ROR1: variants seen among roughly 807,000 people sequenced by gnomAD.
The protein encoded by ROR1 is ROR family WNT receptor 1.
Under a neutral mutation model 78.8 loss-of-function variants are expected in ROR1, and 19 were observed. The ratio of observed to expected loss-of-function variants is 0.24; its 90% CI spans 0.17 to 0.35. The LOEUF is 0.35. Among genes scored for constraint, ROR1 ranks in the 10% least tolerant of loss-of-function variants. ROR1 has a pLI of 1.00. For synonymous variants in ROR1, 386 were observed against 433.6 expected (o/e 0.89, Z 1.36); for missense variants, 917 against 1,177.8 (o/e 0.78, Z 3.24).
At chr1:63,779,265 T>A (rs1287396481) in intron 1 of ROR1, among the ~76,000 whole-genome samples, 5 of 152,204 alleles carry the variant, frequency 3.3e-5, no homozygotes, top group Non-Finnish European at 5.9e-5. Flanking sequence ...TGGACAACTG[T>A]GGTTGTAGGC....
intron 2 of ROR1, among the ~76,000 whole-genome samples, chr1:64,038,224 G>T (rs1646718971): frequency 1.3e-5 from 2 of 152,084 alleles, no homozygotes; most frequent in South Asian, 4.1e-4. Context: ...CCAGCAAGAG[G>T]ACAGGAAGTC....
At chr1:64,000,771 C>T (rs534200645) in intron 1 of ROR1, among the ~76,000 whole-genome samples, 20 of 152,236 alleles carry the variant, frequency 1.3e-4, no homozygotes, top group African/African-American at 4.8e-4. Flanking sequence ...TTCAAAGGAC[C>T]ACCTTCCTGC....
At chr1:64,031,155 A>G (rs1237976945) in intron 2 of ROR1, among the ~76,000 whole-genome samples, 1 of 152,216 alleles carries the variant, frequency 6.6e-6, no homozygotes, top group Non-Finnish European at 1.5e-5. Context: ...GGCATGAGCC[A>G]CCACGCCCAG....
rs77928759 is a variant in ROR1 at position 64,152,736 on chromosome 1, C to T, written c.1175-6245C>T. On this transcript the variant is annotated intron_variant, in intron 7 of 8. Transcript: ENST00000371079. Reference sequence around the variant, plus strand: ...GAGTACGATCCTCTAAAATTTTATTCCATAATTAAACAGTTAGGTATCTTT... The same window carrying T: ...GAGTACGATCCTCTAAAATTTTATTTCATAATTAAACAGTTAGGTATCTTT... 6.1e-3 allele frequency among the ~76,000 whole-genome samples: 922 copies of T among 152,118 alleles called. 4 individuals carry two copies. Among genetic ancestry groups the T allele is most frequent in the Non-Finnish European group, 8.0e-3 (544 of 67,994 alleles).
At chr1:64,071,185 T>G (rs1647000728) in intron 4 of ROR1, among the ~76,000 whole-genome samples, 1 of 152,032 alleles carries the variant, frequency 6.6e-6, no homozygotes, top group Non-Finnish European at 1.5e-5. Context: ...TGCAAGCCAG[T>G]GTTTGGGCTT....
At chr1:64,028,521 G>A (rs1646634012) in intron 2 of ROR1, among the ~76,000 whole-genome samples, 1 of 152,136 alleles carries the variant, frequency 6.6e-6, no homozygotes, top group Admixed American at 6.5e-5. Context: ...TCTCACAGTT[G>A]CTGCTGTTTT....
chr1:64,113,732 C>T (rs1026899352), intron 4 of ROR1: 4 of 150,798 alleles, frequency 2.7e-5, no homozygotes, highest in Non-Finnish European at 5.9e-5. Flanking sequence ...CTCCTAAGAG[C>T]AGCTCACTTC....
chr1:64,139,537 G>A (rs747171710), intron 5 of ROR1, among the ~76,000 whole-genome samples: 3 of 152,188 alleles, frequency 2.0e-5, no homozygotes, highest in Non-Finnish European at 4.4e-5. Context: ...AATATTCGAT[G>A]ATACACATTG....
At chr1:64,127,620 G>T (rs1462513138) in intron 4 of ROR1, among the ~76,000 whole-genome samples, 2 of 151,982 alleles carry the variant, frequency 1.3e-5, no homozygotes, top group East Asian at 3.9e-4. Flanking sequence ...GGGCAATGTA[G>T]TATTTTCATA....
intron 1 of ROR1, among the ~76,000 whole-genome samples, chr1:63,924,894 G>A (rs946200839): frequency 1.1e-4 from 16 of 149,570 alleles, no homozygotes; most frequent in African/African-American, 2.7e-4. Flanking sequence ...CCTTGAGAAC[G>A]GTGGAAGGTT....
At chr1:63,827,870 AC>A (rs1046362773) in intron 1 of ROR1, among the ~76,000 whole-genome samples, 1 of 152,206 alleles carries the variant, frequency 6.6e-6, no homozygotes, top group Admixed American at 6.5e-5. Context: ...CACCTAGAGA[AC>A]ACAGAATAAA....
intron 1 of ROR1, among the ~76,000 whole-genome samples, chr1:63,976,254 A>G (rs1646160277): frequency 6.6e-6 from 1 of 152,234 alleles, no homozygotes; most frequent in Non-Finnish European, 1.5e-5. Flanking sequence ...ACAGAAAAGT[A>G]GGAAAGGCCG....
At chr1:63,934,042 G>A (rs563189473) in intron 1 of ROR1, among the ~76,000 whole-genome samples, 2 of 152,320 alleles carry the variant, frequency 1.3e-5, no homozygotes, top group Non-Finnish European at 2.9e-5. Context: ...CTTTGCAGGT[G>A]CAGGATTCAG....
In ROR1 at chr1:64,162,116, G is replaced by A. The variant is rs574528982; in HGVS notation, c.1386+2924G>A. 1.3e-3 allele frequency among the ~76,000 whole-genome samples: 197 copies of A among 152,300 alleles called. 1 individual carries two copies. The highest frequency in any genetic ancestry group is 3.9e-3 in the African/African-American group (161 of 41,556). ...CAAAATCAAAAGAATATTTGGAGGC[G>A]AGGATGAAAAAGGAATGAAGGATAG... On this transcript the variant is annotated intron_variant, in intron 8 of 8. Coordinates refer to ENST00000371079, the MANE Select transcript of ROR1 (RefSeq NM_005012.4).
intron 4 of ROR1, among the ~76,000 whole-genome samples, chr1:64,082,217 G>A (rs866632143): frequency 6.6e-6 from 1 of 152,122 alleles, no homozygotes; most frequent in South Asian, 2.1e-4. Context: ...AGCCAGAGAA[G>A]GGAATAAGTT....
intron 1 of ROR1, among the ~76,000 whole-genome samples, chr1:63,895,156 A>T (rs559132249): frequency 6.6e-6 from 1 of 152,314 alleles, no homozygotes; most frequent in South Asian, 2.1e-4. Context: ...ATCTCTCAAG[A>T]TAGAGATGGC....
chr1:64,178,955 C>T lies in ROR1; in HGVS notation c.*100C>T, dbSNP rs1366065857. On this transcript the variant is annotated 3_prime_UTR_variant, in exon 9 of 9. Coordinates refer to ENST00000371079, the MANE Select transcript of ROR1 (RefSeq NM_005012.4). The surrounding 1 kb of genome is among the most constrained non-coding windows in gnomAD (Gnocchi z 4.3). Reference sequence around the variant, plus strand: ...TTATTAAAGTAAGGTTCTCATTTAGCAGACATCGCAACAAGTACCTTCTGT... The same window carrying T: ...TTATTAAAGTAAGGTTCTCATTTAGTAGACATCGCAACAAGTACCTTCTGT... 1 of 839,374 alleles carries T rather than the reference C, an allele frequency of 1.2e-6. No homozygotes were observed. The highest frequency in any genetic ancestry group is 1.8e-6 in the Non-Finnish European group (1 of 561,050). The allele number at this position is 839,374 out of a possible 1,614,324, so 52.0% of individuals were successfully genotyped here.
chr1:63,961,563 A>G (rs1646029939), intron 1 of ROR1, among the ~76,000 whole-genome samples: 1 of 150,670 alleles, frequency 6.6e-6, no homozygotes, highest in Non-Finnish European at 1.5e-5. Flanking sequence ...AGGACATTAT[A>G]TTAAGTAGAA....
At chr1:63,816,915 C>T (rs1201269544) in intron 1 of ROR1, among the ~76,000 whole-genome samples, 1 of 152,198 alleles carries the variant, frequency 6.6e-6, no homozygotes, top group Non-Finnish European at 1.5e-5. Context: ...AAGGAGCTCT[C>T]TTTATTGAGT....
Sources: allele counts gnomAD v4.1 joint callset (sites outside exome capture counted in the v4.1 genomes callset), GRCh38; gene constraint gnomAD v4.1.1; non-coding constraint Gnocchi (gnomAD v3.1); transcripts MANE v1.5; gene names NCBI Gene and HGNC (gene_info 2026-07-23, HGNC 2026-07-21).